OCRL: variants seen among roughly 807,000 people sequenced by gnomAD.
The protein encoded by OCRL is OCRL inositol polyphosphate-5-phosphatase.
Under a neutral mutation model 78.9 loss-of-function variants are expected in OCRL, and 8 were observed. The observed-to-expected ratio is 0.10, with a 90% CI of 0.06 to 0.18. The LOEUF is 0.18. Among genes scored for constraint, OCRL ranks in the 10% least tolerant of loss-of-function variants. The probability of loss-of-function intolerance (pLI) is 1.00; values close to 1 mark genes in which losing one functional copy is unlikely to be tolerated. For missense variants in OCRL, 454 were observed against 696.7 expected (o/e 0.65, Z 3.92); for synonymous variants, 240 against 235.4 (o/e 1.02, Z -0.18).
intron 18 of OCRL, 102 bp downstream of exon 18, chrX:129,576,654 G>C (rs1203416923): frequency 1.7e-5 from 10 of 599,741 alleles, no homozygotes; most frequent in Non-Finnish European, 1.9e-5. Flanking sequence ...TTTTGGCCAC[G>C]GGGGATGTCA....
chrX:129,569,142 G>C (rs1333870718), intron 14 of OCRL, 122 bp from the exon 15 acceptor site: 10 of 799,907 alleles, frequency 1.3e-5, no homozygotes, highest in Non-Finnish European at 1.9e-5. Flanking sequence ...GTTAGGGAAG[G>C]AGAAGTACAC....
rs139960777 is a variant in OCRL at position 129,569,840 on chromosome X, CT to C, written c.1602+462del. Among the ~76,000 whole-genome samples, 536 of 83,802 alleles carry C rather than the reference CT, an allele frequency of 6.4e-3. 2 individuals are homozygous for C. The highest frequency in any genetic ancestry group is 0.013 in the Middle Eastern group (2 of 152). 72.8% of individuals were successfully genotyped at this position (83,802 alleles called of 115,157 possible). The stretch of plus-strand genomic sequence containing the variant: ...AGTGTCATCCCTACACTTATTTTTT[CT>C]TTTTTTTTTTTTTTTTTTTTGAGAC... On this transcript the variant is annotated intron_variant, in intron 15 of 23. Coordinates refer to ENST00000371113, the MANE Select transcript of OCRL (RefSeq NM_000276.4).
chrX:129,557,422 T>G lies in OCRL; in HGVS notation c.336T>G (p.Leu112=). The G allele has an allele frequency of 8.3e-7, 1 of 1,205,077 alleles. No homozygotes were observed. Among genetic ancestry groups the G allele is most frequent in the Non-Finnish European group, 1.1e-6 (1 of 889,537 alleles). ...EHCLKFLSAV[L]AAQKAQSQLL... is the part of the protein sequence containing the mutation. ...GTTTGAAGTTCCTCTCAGCTGTCCT[T>G]GCTGCTCAGAAAGGTAACTAAAGAC... The change falls in exon 5 of 24, where the codon CTT becomes CTG. Residue 112 remains leucine, a synonymous_variant. Transcript: ENST00000371113.
In OCRL at chrX:129,579,973, G is replaced by A. The variant is rs187724803; in HGVS notation, c.2115+3421G>A. On this transcript the variant is annotated intron_variant, in intron 18 of 23. Transcript: ENST00000371113. Reference sequence around the variant, plus strand: ...TTTTGGAAAGTCGTTTAAAGTGACTGCTATGAAGGTTGTAGTTTGTATTAA... The same window carrying A: ...TTTTGGAAAGTCGTTTAAAGTGACTACTATGAAGGTTGTAGTTTGTATTAA... Among the ~76,000 whole-genome samples, 303 of 112,098 alleles carry A rather than the reference G, an allele frequency of 2.7e-3. 3 individuals carry two copies. Among genetic ancestry groups the A allele is most frequent in the African/African-American group, 9.2e-3 (285 of 30,912 alleles).
At chrX:129,552,097 G>T (rs989460033) in intron 4 of OCRL, among the ~76,000 whole-genome samples, 2 of 112,007 alleles carry the variant, frequency 1.8e-5, no homozygotes, top group African/African-American at 6.5e-5. Context: ...AATGAGAATC[G>T]TATGAAGGAT....
At chrX:129,560,146 G>A (rs1936125137) in intron 8 of OCRL, among the ~76,000 whole-genome samples, 1 of 111,942 alleles carries the variant, frequency 8.9e-6, no homozygotes, top group South Asian at 3.7e-4. Flanking sequence ...TTCAGGAAGT[G>A]AGTTCCTGGA....
chrX:129,584,183 C>T (rs1936480385), intron 18 of OCRL, among the ~76,000 whole-genome samples, 161 bp from the exon 19 acceptor site: 1 of 112,628 alleles, frequency 8.9e-6, no homozygotes, highest in Admixed American at 9.4e-5. Context: ...AAATGTATTT[C>T]ATTTTCAACA....
At chrX:129,545,906 G>T (rs1286881808) in intron 3 of OCRL, among the ~76,000 whole-genome samples, 2 of 111,076 alleles carry the variant, frequency 1.8e-5, no homozygotes, top group African/African-American at 3.3e-5. Flanking sequence ...TAGTGACGGG[G>T]TTTCGCCATG....
chrX:129,541,036 C>G (rs960780850), intron 2 of OCRL, among the ~76,000 whole-genome samples: 2 of 111,887 alleles, frequency 1.8e-5, no homozygotes, highest in African/African-American at 3.3e-5. Context: ...AGTGGAAGGA[C>G]TGAATGGGCG....
chrX:129,578,127 A>G lies in OCRL; in HGVS notation c.2115+1575A>G, dbSNP rs759290842. ...ATGTCACTTCACCACTGAACACTTCAGCCTGCATCTCTTAACAAAAAGGGC... is the reference window on the plus strand; with the variant it reads ...ATGTCACTTCACCACTGAACACTTCGGCCTGCATCTCTTAACAAAAAGGGC... On this transcript the variant is annotated intron_variant, in intron 18 of 23. Coordinates refer to ENST00000371113, the MANE Select transcript of OCRL (RefSeq NM_000276.4). Among the ~76,000 whole-genome samples the G allele has an allele frequency of 6.3e-5, 7 of 111,894 alleles. No homozygotes were observed. The South Asian group carries it at 1.1e-3, about 18-fold the overall frequency.
At chrX:129,569,998 C>T (rs112864674) in intron 15 of OCRL, among the ~76,000 whole-genome samples, 7,155 of 109,803 alleles carry the variant, frequency 0.065, 410 homozygotes, top group African/African-American at 0.19. Context: ...CGTGAGCCAC[C>T]GTGCCCAGCG....
At chrX:129,578,459 T>C (rs1160843879) in intron 18 of OCRL, among the ~76,000 whole-genome samples, 1 of 109,274 alleles carries the variant, frequency 9.2e-6, no homozygotes, top group Non-Finnish European at 1.9e-5. Context: ...TTTTTTTTTT[T>C]TTAAACTTAT....
At chrX:129,585,299 A>G (rs1936496311) in intron 19 of OCRL, among the ~76,000 whole-genome samples, 1 of 112,453 alleles carries the variant, frequency 8.9e-6, no homozygotes, top group Non-Finnish European at 1.9e-5. Context: ...CCAAGGTTTG[A>G]GACAGCTGTG....
intron 15 of OCRL, among the ~76,000 whole-genome samples, chrX:129,569,941 T>G (rs1936277609): frequency 9.3e-6 from 1 of 107,726 alleles, no homozygotes; most frequent in Non-Finnish European, 1.9e-5. Context: ...CTTCCCGGGT[T>G]CAAGCGATGC....
chrX:129,581,155 G>A (rs180987630), intron 18 of OCRL, among the ~76,000 whole-genome samples: 153 of 112,819 alleles, frequency 1.4e-3, no homozygotes, highest in African/African-American at 4.6e-3. Flanking sequence ...GTGAGCCACC[G>A]TGCCCGGCTA....
rs749601263 is a variant in OCRL at position 129,569,337 on chromosome X, C to T, written c.1540C>T (p.Arg514Trp). Residue 514 changes from arginine (R) to tryptophan (W), a missense_variant, in exon 15 of 24, where the codon CGG becomes TGG. This residue lies in a region of OCRL where 277 missense variants were observed against 517.1 expected (regional missense o/e 0.54). Coordinates refer to ENST00000371113, the MANE Select transcript of OCRL (RefSeq NM_000276.4). ...RGTNVNQLNYRSHMELKTSDH... is the reference protein window; with the variant it reads ...RGTNVNQLNYWSHMELKTSDH... Reference sequence around the variant, plus strand: ...AACAAATGTTAATCAGCTTAATTATCGGAGTCACATGGAACTGAAAACCAG... The same window carrying T: ...AACAAATGTTAATCAGCTTAATTATTGGAGTCACATGGAACTGAAAACCAG... The T allele has an allele frequency of 1.7e-6, 2 of 1,210,615 alleles. No individual in the cohort carries two copies. Among genetic ancestry groups the T allele is most frequent in the African/African-American group, 1.7e-5 (1 of 57,796 alleles).
chrX:129,561,113 T>A lies in OCRL; in HGVS notation c.825-66T>A. On this transcript the variant is annotated intron_variant, in intron 9 of 23. Coordinates refer to ENST00000371113, the MANE Select transcript of OCRL (RefSeq NM_000276.4). Reference sequence around the variant, plus strand: ...TTTTTTCATCTAATGTTTCAACATATGGGACAGGAGGTAGCCAGAGATAAT... The same window carrying A: ...TTTTTTCATCTAATGTTTCAACATAAGGGACAGGAGGTAGCCAGAGATAAT... 9.9e-6 allele frequency: 7 copies of A among 706,222 alleles called. No homozygotes were observed. The South Asian group carries it at 1.1e-4, about 11-fold the overall frequency. 58.2% of individuals were successfully genotyped at this position (706,222 alleles called of 1,213,427 possible). A position where few individuals can be genotyped will look rare whatever the true frequency, so the allele number is the denominator to read the frequency against.
chrX:129,575,694 A>G, intron 16 of OCRL: 1 of 467,976 alleles, frequency 2.1e-6, no homozygotes, highest in South Asian at 3.1e-5. Context: ...AAGTAGCAAG[A>G]GCCACCTAAC....
At position 129,548,598 on chromosome X, in the gene OCRL, A is replaced by G. The variant is rs146556695; in HGVS notation, c.235A>G (p.Asn79Asp). 25 of 1,193,037 alleles carry G rather than the reference A, an allele frequency of 2.1e-5. No homozygotes were observed. The African/African-American group carries it at 3.2e-4, about 15-fold the overall frequency. ...AACTCTTTTGATTGACATAGCTTCT[A>G]ACAGTGAGTATCTTTCTGAATGTGC... is the stretch of plus-strand genomic sequence containing the variant. ...EETLLIDIAS[N>D]SGCKIRVQGD... is the part of the protein sequence containing the mutation. Residue 79 changes from asparagine to aspartate, a missense_variant, in exon 4 of 24, where the codon AAC becomes GAC. Asn to Asp is a conservative substitution (Grantham distance 23). This residue lies in a region of OCRL where 177 missense variants were observed against 179.6 expected (regional missense o/e 0.99). Transcript: ENST00000371113.
Sources: allele counts gnomAD v4.1 joint callset (sites outside exome capture counted in the v4.1 genomes callset), GRCh38; gene constraint gnomAD v4.1.1; regional missense constraint gnomAD v4.1.1; transcripts MANE v1.5; gene names NCBI Gene and HGNC (gene_info 2026-07-23, HGNC 2026-07-21).